Variants in TASP1 observed in about 807,000 individuals in gnomAD.
TASP1 encodes taspase 1, also known as threonine aspartase 1.
In TASP1, 16 loss-of-function variants were observed where a neutral mutation model predicts 56.6. That is an observed-to-expected ratio of 0.28 (90% confidence interval 0.19 to 0.43). The LOEUF is 0.43. Ranked by LOEUF, TASP1 falls within the 20% of genes least tolerant of loss-of-function variation. The pLI is 1.00. For missense variants in TASP1, 393 were observed against 511.6 expected (o/e 0.77, Z 2.24); for synonymous variants, 179 against 184.2 (o/e 0.97, Z 0.23).
chr20:13,581,496 A>G (rs549132210), intron 5 of TASP1, among the ~76,000 whole-genome samples: 1 of 152,320 alleles, frequency 6.6e-6, no homozygotes, highest in East Asian at 1.9e-4. Context: ...TACAAGAGAG[A>G]CAGAACGGGG....
At chr20:13,248,799 T>C in the TASP1 span, among the ~76,000 whole-genome samples, 2 of 152,048 alleles carry the variant, frequency 1.3e-5, no homozygotes, top group African/African-American at 4.8e-5. Flanking sequence ...CATTTGGGGG[T>C]GAGCGGGGGA....
At chr20:13,395,669 A>G (rs1305383917) in intron 13 of TASP1, among the ~76,000 whole-genome samples, 1 of 149,996 alleles carries the variant, frequency 6.7e-6, no homozygotes. Flanking sequence ...CTTGCCTGAC[A>G]TGATAATAGT....
At chr20:13,178,878 A>G in the TASP1 span, among the ~76,000 whole-genome samples, 3 of 152,058 alleles carry the variant, frequency 2.0e-5, no homozygotes, top group East Asian at 1.9e-4. Context: ...TAGGATGACT[A>G]TAGTTAATAA....
chr20:13,235,636 C>T, the TASP1 span, among the ~76,000 whole-genome samples: 647 of 152,280 alleles, frequency 4.2e-3, 2 homozygotes, highest in African/African-American at 0.015. Context: ...GCACATGATT[C>T]GGCCCCCACC....
At chr20:13,205,711 T>C in the TASP1 span, among the ~76,000 whole-genome samples, 4 of 152,178 alleles carry the variant, frequency 2.6e-5, no homozygotes, top group South Asian at 4.2e-4. Flanking sequence ...TGCCATCACA[T>C]TGGGGATTAG....
At chr20:13,184,348 C>T in the TASP1 span, among the ~76,000 whole-genome samples, 1 of 152,134 alleles carries the variant, frequency 6.6e-6, no homozygotes, top group African/African-American at 2.4e-5. Flanking sequence ...TGTAATAGTA[C>T]ATAAGTACTT....
At chr20:13,279,837 G>A in the TASP1 span, 7 of 1,613,818 alleles carry the variant, frequency 4.3e-6, no homozygotes, top group Non-Finnish European at 5.1e-6. Context: ...ACCCCCCCAG[G>A]GGGTGGGACC....
the TASP1 span, among the ~76,000 whole-genome samples, chr20:13,110,401 C>G: frequency 6.6e-6 from 1 of 152,128 alleles, no homozygotes; most frequent in African/African-American, 2.4e-5. Flanking sequence ...TTTGATGACT[C>G]TATATATGGC....
At chr20:13,635,490 C>T (rs946003394) in intron 1 of TASP1, among the ~76,000 whole-genome samples, 2 of 149,392 alleles carry the variant, frequency 1.3e-5, no homozygotes, top group South Asian at 4.2e-4. Flanking sequence ...CGGGTTCAAA[C>T]AATTCTCCTG....
At chr20:13,471,699 C>G (rs6042141) in intron 11 of TASP1, among the ~76,000 whole-genome samples, 114,072 of 152,088 alleles carry the variant, frequency 0.75, 43,661 homozygotes, top group African/African-American at 0.91. Context: ...CTGAGTATAG[C>G]TCCGTTCCAA....
chr20:13,129,207 G>A, the TASP1 span, among the ~76,000 whole-genome samples: 72 of 152,192 alleles, frequency 4.7e-4, no homozygotes, highest in Middle Eastern at 3.4e-3. Context: ...TCACCACGTT[G>A]GCCATGCTGG....
chr20:13,575,755 A>C (rs1401004677), intron 6 of TASP1, among the ~76,000 whole-genome samples: 1 of 152,188 alleles, frequency 6.6e-6, no homozygotes, highest in East Asian at 1.9e-4. Flanking sequence ...CTTCTTCCTT[A>C]ATATCACAAA....
At chr20:13,263,791 C>T in the TASP1 span, among the ~76,000 whole-genome samples, 1 of 152,160 alleles carries the variant, frequency 6.6e-6, no homozygotes, top group Admixed American at 6.5e-5. Context: ...ATGCAGATGT[C>T]CAGCCCCAAA....
chr20:13,538,178 AT>A (rs2045487359), intron 8 of TASP1, among the ~76,000 whole-genome samples: 1 of 151,890 alleles, frequency 6.6e-6, no homozygotes, highest in Non-Finnish European at 1.5e-5. Flanking sequence ...ATTTTTTTGT[AT>A]TTTTAGTATA....
At chr20:13,597,866 C>T (rs1363486250) in intron 4 of TASP1, among the ~76,000 whole-genome samples, 2 of 152,198 alleles carry the variant, frequency 1.3e-5, no homozygotes, top group African/African-American at 2.4e-5. Flanking sequence ...GCAAAAATCA[C>T]AAGCATTCCT....
At chr20:13,376,591 A>C in the TASP1 span, among the ~76,000 whole-genome samples, 1 of 151,704 alleles carries the variant, frequency 6.6e-6, no homozygotes, top group Non-Finnish European at 1.5e-5. Flanking sequence ...AATTTAAAAT[A>C]GTTTTTTTTC....
At chr20:13,392,301 T>C (rs966180185) in intron 13 of TASP1, among the ~76,000 whole-genome samples, 1 of 152,152 alleles carries the variant, frequency 6.6e-6, no homozygotes, top group Non-Finnish European at 1.5e-5. Flanking sequence ...CTCATACATC[T>C]CTCTGTGATA....
intron 2 of TASP1, 65 bp downstream of exon 2, chr20:13,629,869 T>C: frequency 6.2e-7 from 1 of 1,601,370 alleles, no homozygotes; most frequent in Non-Finnish European, 8.5e-7. Flanking sequence ...ATTCTCAGTG[T>C]ACTTCAAGGC....
chr20:13,460,482 T>C (rs571756765), intron 11 of TASP1, among the ~76,000 whole-genome samples: 2 of 152,318 alleles, frequency 1.3e-5, no homozygotes, highest in Admixed American at 6.5e-5. Flanking sequence ...ATTCTCAAAT[T>C]TATTTTAGCT....
Sources: allele counts gnomAD v4.1 joint callset (sites outside exome capture counted in the v4.1 genomes callset), GRCh38; gene constraint gnomAD v4.1.1; transcripts MANE v1.5; gene names NCBI Gene and HGNC (gene_info 2026-07-23, HGNC 2026-07-21).